FRMPD4: variants seen among roughly 807,000 people sequenced by gnomAD.
The protein encoded by FRMPD4 is FERM and PDZ domain containing 4.
Under a neutral mutation model 94.1 loss-of-function variants are expected in FRMPD4, and 22 were observed. That is an observed-to-expected ratio of 0.23 (90% CI 0.17 to 0.33). The LOEUF is 0.33. Ranked by LOEUF, FRMPD4 falls within the 10% of genes least tolerant of loss-of-function variation. FRMPD4 has a pLI of 1.00. For synonymous variants in FRMPD4, 631 were observed against 548.6 expected, an observed-to-expected ratio of 1.15 and a Z score of -2.10; for missense variants, 1,111 against 1,339.9, an observed-to-expected ratio of 0.83 and a Z score of 2.67.
intron 3 of FRMPD4, among the ~76,000 whole-genome samples, chrX:11,959,100 T>G (rs2054271334): frequency 8.9e-6 from 1 of 112,777 alleles, no homozygotes; most frequent in Admixed American, 9.4e-5. Context: ...TAAAGTTATT[T>G]CCATAAGTGA....
intron 1 of FRMPD4, among the ~76,000 whole-genome samples, chrX:12,244,454 G>T (rs1361829346): frequency 8.9e-6 from 1 of 111,827 alleles, no homozygotes; most frequent in East Asian, 2.8e-4. Context: ...ATTTTTTCCA[G>T]TTAAGGAAGA....
chrX:11,998,159 T>A (rs1023397632), intron 3 of FRMPD4, among the ~76,000 whole-genome samples: 2 of 111,779 alleles, frequency 1.8e-5, no homozygotes, highest in Middle Eastern at 4.2e-3. Flanking sequence ...GTTGAAGGAT[T>A]TTCTGATTCC....
intron 1 of FRMPD4, among the ~76,000 whole-genome samples, chrX:12,424,967 T>C (rs1041290567): frequency 2.7e-5 from 3 of 112,433 alleles, no homozygotes; most frequent in Non-Finnish European, 3.8e-5. Context: ...TTCAGTTTTT[T>C]TTCCCCCAAG....
chrX:12,279,171 G>A (rs1005203470), intron 1 of FRMPD4, among the ~76,000 whole-genome samples: 5 of 112,822 alleles, frequency 4.4e-5, no homozygotes, highest in African/African-American at 9.6e-5. Context: ...AGAAGCCAGC[G>A]GTGTTTATGA....
intron 3 of FRMPD4, among the ~76,000 whole-genome samples, chrX:12,103,953 G>C (rs2055274917): frequency 8.9e-6 from 1 of 111,831 alleles, no homozygotes; most frequent in South Asian, 3.7e-4. Context: ...AATTTAAAAA[G>C]AAAAGACATT....
chrX:11,894,879 G>C (rs1036876072), intron 3 of FRMPD4, among the ~76,000 whole-genome samples: 3 of 111,606 alleles, frequency 2.7e-5, no homozygotes, highest in Admixed American at 1.9e-4. Context: ...TTAGAAGAGG[G>C]GACAGACTGA....
intron 3 of FRMPD4, among the ~76,000 whole-genome samples, chrX:11,967,129 T>G (rs1024386384): frequency 8.9e-6 from 1 of 112,390 alleles, no homozygotes; most frequent in Admixed American, 9.4e-5. Context: ...ATATACTTAT[T>G]TTTTGGAGAT....
intron 3 of FRMPD4, among the ~76,000 whole-genome samples, chrX:11,943,584 T>C (rs1487739780): frequency 9.0e-6 from 1 of 110,585 alleles, no homozygotes; most frequent in African/African-American, 3.3e-5. Flanking sequence ...TCTGGATAAC[T>C]GACCCACTCC....
chrX:12,137,352 CT>C (rs1193680343), upstream of FRMPD4, among the ~76,000 whole-genome samples: 2 of 112,898 alleles, frequency 1.8e-5, no homozygotes, highest in Admixed American at 1.9e-4. Flanking sequence ...ATACTGAAGA[CT>C]TTAAATATAA....
At chrX:12,111,263 C>A (rs2055358857) in intron 3 of FRMPD4, among the ~76,000 whole-genome samples, 1 of 111,350 alleles carries the variant, frequency 9.0e-6, no homozygotes, top group Admixed American at 9.6e-5. Context: ...AGAAATAATA[C>A]CACACATCTA....
chrX:12,205,603 G>C (rs950500702), intron 1 of FRMPD4, among the ~76,000 whole-genome samples: 1 of 111,834 alleles, frequency 8.9e-6, no homozygotes, highest in South Asian at 3.7e-4. Context: ...AGCTTACTTA[G>C]AATGCCAAAA....
intron 3 of FRMPD4, among the ~76,000 whole-genome samples, chrX:11,900,316 A>T (rs775011186): frequency 9.0e-6 from 1 of 111,332 alleles, no homozygotes; most frequent in Non-Finnish European, 1.9e-5. Context: ...ACGGAGACAA[A>T]ATGGGAAGCG....
chrX:12,710,407 G>T lies in FRMPD4; in HGVS notation c.1479G>T (p.Thr493=), dbSNP rs773949472. The T allele has an allele frequency of 8.3e-7, 1 of 1,202,546 alleles. No individual in the cohort carries two copies. The highest frequency in any genetic ancestry group is 1.8e-5 in the South Asian group (1 of 56,296). Reference sequence around the variant, plus strand: ...TGTTCTCTTTTGTGTAGCCTATCACGCTTCTGATGGAATCCTCAGATGCCA... The same window carrying T: ...TGTTCTCTTTTGTGTAGCCTATCACTCTTCTGATGGAATCCTCAGATGCCA... ...ELHVLDVKPI[T]LLMESSDAMN... is the part of the protein sequence containing the mutation. The change falls in exon 14 of 17, where the codon ACG becomes ACT. Residue 493 remains threonine, a synonymous_variant. Coordinates refer to ENST00000675598, the MANE Select transcript of FRMPD4 (RefSeq NM_001368397.1).
rs776393674 is a variant in FRMPD4 at position 12,240,583 on chromosome X, A to G, written c.41+101571A>G. ...TTTTATTCCCTCTCCCCAAGCTGTCATTATTTCAGCTCATCACACTTTATT... is the reference window on the plus strand; with the variant it reads ...TTTTATTCCCTCTCCCCAAGCTGTCGTTATTTCAGCTCATCACACTTTATT... On this transcript the variant is annotated intron_variant, in intron 1 of 16. Coordinates refer to ENST00000675598, the MANE Select transcript of FRMPD4 (RefSeq NM_001368397.1). 4.3e-3 allele frequency among the ~76,000 whole-genome samples: 480 copies of G among 112,459 alleles called. 4 individuals are homozygous for G. The highest frequency in any genetic ancestry group is 0.014 in the African/African-American group (448 of 31,006).
chrX:12,631,768 G>T (rs2059398616), intron 4 of FRMPD4, among the ~76,000 whole-genome samples: 1 of 112,288 alleles, frequency 8.9e-6, no homozygotes, highest in African/African-American at 3.2e-5. Flanking sequence ...CGTCAGTGTT[G>T]TTAACTATAT....
rs181721766 is a variant in FRMPD4, at chrX:11,857,525, C to G, written c.-160-7561C>G. Among the ~76,000 whole-genome samples, 3 of 112,675 alleles carry G rather than the reference C, an allele frequency of 2.7e-5. No individual in the cohort carries two copies. In the East Asian group the frequency reaches 8.3e-4, roughly 31 times the overall value. ...CGCGTGCAGAAGATTGAAACTGAAC[C>G]TCTTCCTTACACTATGTACAAAAAT... On this transcript the variant is annotated intron_variant, in intron 1 of 18. Coordinates refer to the FRMPD4 transcript ENST00000640291.
intron 1 of FRMPD4, among the ~76,000 whole-genome samples, chrX:12,233,977 A>ATTATTTAT (rs111441692): frequency 0.48 from 49,394 of 102,941 alleles, 9,502 homozygotes; most frequent in East Asian, 0.62. Flanking sequence ...GAATGAATGA[A>ATTATTTAT]TTATTTATTT....
In FRMPD4 at chrX:12,716,116, T is replaced by C. The variant is rs886038209; in HGVS notation, c.1657T>C (p.Cys553Arg). The change falls in exon 15 of 17, where the codon TGT becomes CGT. Residue 553 changes from cysteine to arginine, a missense_variant. Physicochemically the swap from Cys to Arg is radical, Grantham distance 180. Around this residue, in one of 8 missense-constraint regions of FRMPD4, gnomAD observed 192 missense variants for 192.5 expected, o/e 1.00. Transcript: ENST00000675598. ...TAACCTCCTTGGCCCAGATTGGAAC[T>C]GTATACCCCAAATGACCACCTTTAT... ...KHNLLGPDWN[C>R]IPQMTTFIGE... The C allele has an allele frequency of 8.5e-7, 1 of 1,182,927 alleles. No individual in the cohort carries two copies. Among genetic ancestry groups the C allele is most frequent in the Non-Finnish European group, 1.1e-6 (1 of 878,238 alleles).
chrX:11,858,378 A>C (rs111669063), intron 1 of FRMPD4, among the ~76,000 whole-genome samples: 2,634 of 111,747 alleles, frequency 0.024, 57 homozygotes, highest in Admixed American at 0.087. Context: ...AGCTATAAAA[A>C]AGAATGAGAT....
Sources: gnomAD v4.1 joint callset for allele counts (sites outside exome capture counted in the v4.1 genomes callset) on GRCh38, gnomAD v4.1.1 for gene constraint, gnomAD v4.1.1 regional missense constraint, MANE v1.5 for transcripts, NCBI Gene and HGNC (gene_info 2026-07-23, HGNC 2026-07-21) for gene names.